The following JAK1 variants were observed in gnomAD, a reference collection of about 807,000 sequenced individuals.
JAK1 encodes the protein Janus kinase 1.
In JAK1, 16 loss-of-function variants were observed where a neutral mutation model predicts 136.6. The ratio of observed to expected loss-of-function variants is 0.12; its 90% CI spans 0.08 to 0.18. The LOEUF (loss-of-function observed/expected upper bound fraction) is 0.18. Ranked by LOEUF, JAK1 falls within the 10% of genes least tolerant of loss-of-function variation. JAK1 has a pLI of 1.00. For synonymous variants in JAK1, 492 were observed against 519.5 expected (o/e 0.95, Z 0.72); for missense variants, 859 against 1,450.1 (o/e 0.59, Z 6.62).
chr1:65,063,486 T>C (rs1475669748), intron 1 of JAK1, among the ~76,000 whole-genome samples: 1 of 152,146 alleles, frequency 6.6e-6, no homozygotes, highest in Non-Finnish European at 1.5e-5. Flanking sequence ...AATAACAATA[T>C]TTCATACAGT....
chr1:65,026,946 T>G lies in JAK1; in HGVS notation c.-78+17534A>C, dbSNP rs1163476203. ...TAGCCTGGGCAACAGAGTTAGGCAG[T>G]CTCAAAAAAATAAAAACCATTTTTT... On this transcript the variant is annotated intron_variant, in intron 2 of 25. Transcript: ENST00000671954. Among the ~76,000 whole-genome samples the G allele has an allele frequency of 2.6e-5, 4 of 152,018 alleles. No individual in the cohort carries two copies. The East Asian group carries it at 7.8e-4, about 30-fold the overall frequency.
chr1:64,941,712 G>A (rs550386693), intron 1 of JAK1, among the ~76,000 whole-genome samples: 2 of 152,246 alleles, frequency 1.3e-5, no homozygotes, highest in South Asian at 4.1e-4. Context: ...GACTAAACCT[G>A]GGTCTCAAAG....
intron 1 of JAK1, among the ~76,000 whole-genome samples, chr1:64,944,684 C>A (rs1645951894): frequency 6.6e-6 from 1 of 151,948 alleles, no homozygotes; most frequent in Non-Finnish European, 1.5e-5. Flanking sequence ...AGTCATGATA[C>A]ACTAGCAAAT....
intron 2 of JAK1, among the ~76,000 whole-genome samples, chr1:64,981,804 C>T (rs1646548414): frequency 6.6e-6 from 1 of 152,172 alleles, no homozygotes; most frequent in Non-Finnish European, 1.5e-5. Flanking sequence ...GAAGTTTTAA[C>T]AGGGCACACC....
chr1:64,841,720 G>A, intron 17 of JAK1, 119 bp from the exon 18 acceptor site: 1 of 1,010,586 alleles, frequency 9.9e-7, no homozygotes, highest in Non-Finnish European at 1.5e-6. Context: ...CTTACAGGTA[G>A]ATTTCGTAAG....
chr1:64,985,803 T>C (rs911839976), intron 2 of JAK1: 4 of 632,072 alleles, frequency 6.3e-6, no homozygotes, highest in Non-Finnish European at 8.7e-6. Flanking sequence ...AGCCAACAGG[T>C]TGACAGTAAG....
rs552593144 is a variant in JAK1, at chr1:64,953,957, G to T, written c.-78+12376C>A. The stretch of plus-strand genomic sequence containing the variant: ...CCCAATGTGCTGGGATTATAGGCAT[G>T]AGCGACCGCACTCGGCCTCAGGTCT... On this transcript the variant is annotated intron_variant, in intron 1 of 24. Coordinates refer to ENST00000342505, the MANE Select transcript of JAK1 (RefSeq NM_002227.4). Among the ~76,000 whole-genome samples the T allele has an allele frequency of 1.2e-4, 19 of 152,316 alleles. No individual in the cohort carries two copies. The East Asian group carries it at 3.5e-3, about 28-fold the overall frequency.
chr1:64,894,695 T>C (rs1204381889), intron 1 of JAK1, among the ~76,000 whole-genome samples: 1 of 152,140 alleles, frequency 6.6e-6, no homozygotes, highest in Admixed American at 6.5e-5. Flanking sequence ...GAGAATCGCT[T>C]GAACCCGGGA....
intron 1 of JAK1, among the ~76,000 whole-genome samples, chr1:64,959,596 T>A (rs1646247591): frequency 6.6e-6 from 1 of 152,198 alleles, no homozygotes. Context: ...TATCTTCACA[T>A]TAACTTTCCC....
At chr1:64,847,415 G>C (rs1655306831) in intron 13 of JAK1, 117 bp downstream of exon 13, 1 of 1,264,792 alleles carries the variant, frequency 7.9e-7, no homozygotes, top group Non-Finnish European at 1.1e-6. Context: ...CTGAGTAAAA[G>C]GCAAGTTTGA....
intron 2 of JAK1, among the ~76,000 whole-genome samples, chr1:65,001,493 A>C (rs776028569): frequency 6.6e-6 from 1 of 152,178 alleles, no homozygotes; most frequent in Non-Finnish European, 1.5e-5. Context: ...AGTCACGTTC[A>C]GGCCCCAGAG....
chr1:65,039,801 TC>T (rs1220610123), intron 2 of JAK1, among the ~76,000 whole-genome samples: 4 of 152,200 alleles, frequency 2.6e-5, no homozygotes, highest in African/African-American at 9.7e-5. Flanking sequence ...TTTGGTTCCT[TC>T]CTGAGGATTC....
intron 2 of JAK1, chr1:65,003,951 T>C (rs1422002415): frequency 1.3e-5 from 2 of 152,274 alleles, no homozygotes; most frequent in East Asian, 3.8e-4. Context: ...TTGTTTTGTT[T>C]TGTTTTTTGA....
chr1:65,039,286 A>G (rs1647106889), intron 2 of JAK1, among the ~76,000 whole-genome samples: 1 of 152,172 alleles, frequency 6.6e-6, no homozygotes, highest in African/African-American at 2.4e-5. Context: ...TCTAGATATG[A>G]TTGAGTCAGT....
chr1:64,891,797 T>A (rs936436992), intron 1 of JAK1, among the ~76,000 whole-genome samples: 2 of 152,224 alleles, frequency 1.3e-5, no homozygotes, highest in Non-Finnish European at 2.9e-5. Context: ...TGTCAGGAAG[T>A]CAGAACTATG....
Position 64,978,786 on chromosome 1 carries a change from C to T in JAK1, c.-78+65694G>A, listed in dbSNP as rs577588392. ...CAGATGCTATTCTGACAATCAAGGC[C>T]GGGGTGCTAGAAAGGCTGCTGGATC... On this transcript the variant is annotated intron_variant, in intron 2 of 25. Coordinates refer to the JAK1 transcript ENST00000671954. Among the ~76,000 whole-genome samples, 6 of 151,588 alleles carry T rather than the reference C, an allele frequency of 4.0e-5. No homozygotes were observed. In the East Asian group the frequency reaches 9.7e-4, roughly 25 times the overall value.
chr1:64,833,747 T>A lies in JAK1; in HGVS notation c.*815A>T. 1 of 232,986 alleles carries A rather than the reference T, an allele frequency of 4.3e-6. No individual in the cohort carries two copies. The highest frequency in any genetic ancestry group is 8.5e-6 in the Non-Finnish European group (1 of 117,900). 14.4% of individuals were successfully genotyped at this position (232,986 alleles called of 1,614,324 possible). A position where few individuals can be genotyped will look rare whatever the true frequency, so the allele number is the denominator to read the frequency against. Reference sequence around the variant, plus strand: ...AATAGCTTGCCCCAAAGTGGTAGAGTTATAAAAGGATATACATTGACGTTT... The same window carrying A: ...AATAGCTTGCCCCAAAGTGGTAGAGATATAAAAGGATATACATTGACGTTT... On this transcript the variant is annotated 3_prime_UTR_variant, in exon 25 of 25. Transcript: ENST00000342505.
intron 21 of JAK1, 61 bp downstream of exon 21, chr1:64,838,404 C>A: frequency 6.4e-7 from 1 of 1,557,380 alleles, no homozygotes; most frequent in Non-Finnish European, 8.7e-7. Flanking sequence ...AATTACAAAC[C>A]AATTACCCAG....
intron 2 of JAK1, among the ~76,000 whole-genome samples, chr1:64,973,316 A>T (rs1275226107): frequency 1.4e-5 from 2 of 142,632 alleles, no homozygotes; most frequent in African/African-American, 2.5e-5. Context: ...AGAGAAAGGA[A>T]GGAAGGGAGG....
Sources: gnomAD v4.1 joint callset for allele counts (sites outside exome capture counted in the v4.1 genomes callset) on GRCh38, gnomAD v4.1.1 for gene constraint, MANE v1.5 for transcripts, NCBI Gene and HGNC (gene_info 2026-07-23, HGNC 2026-07-21) for gene names.